Variants in MAN2A2 observed in about 807,000 individuals in gnomAD.
MAN2A2 encodes mannosidase alpha class 2A member 2, also known as alpha-mannosidase 2x.
MAN2A2 carries 79 observed loss-of-function variants against 126.8 expected under a neutral mutation model. The observed-to-expected ratio is 0.62, with a 90% CI of 0.52 to 0.75. MAN2A2 has a LOEUF of 0.75. Ranked by LOEUF, MAN2A2 falls within the 30% of genes least tolerant of loss-of-function variation. MAN2A2 has a pLI of 0.00. For missense variants in MAN2A2, 1,392 were observed against 1,522.4 expected (o/e 0.91, Z 1.43); for synonymous variants, 671 against 618.7 (o/e 1.08, Z -1.25).
chr15:90,912,645 T>A lies in MAN2A2; in HGVS notation c.2450T>A (p.Leu817Gln), dbSNP rs1357903385. Reference sequence around the variant, plus strand: ...GACAAGAGTGGAGCCTACCTCTTCCTGCCCGATGGCGAGGCCAAGGTATCC... The same window carrying A: ...GACAAGAGTGGAGCCTACCTCTTCCAGCCCGATGGCGAGGCCAAGGTATCC... ...SKDKSGAYLF[L>Q]PDGEAKPYVP... The change falls in exon 16 of 23, where the codon CTG becomes CAG. Residue 817 changes from leucine (L) to glutamine (Q), a missense_variant. By Grantham distance (113) the Leu-to-Gln change is moderately radical. Coordinates refer to ENST00000559717, the MANE Select transcript of MAN2A2 (RefSeq NM_006122.4). 6.2e-7 allele frequency: 1 copy of A among 1,614,184 alleles called. No individual in the cohort carries two copies.
chr15:90,918,861 G>A lies in MAN2A2; in HGVS notation c.3300+106G>A, dbSNP rs918238873. On this transcript the variant is annotated intron_variant, in intron 22 of 22. Transcript: ENST00000559717. ...TGGGAGAAGAAAGTGTCACTCCAGGGCTTTCTGGAGAGAAGGGGGGAAGCT... is the reference window on the plus strand; with the variant it reads ...TGGGAGAAGAAAGTGTCACTCCAGGACTTTCTGGAGAGAAGGGGGGAAGCT... 8.6e-6 allele frequency: 7 copies of A among 813,680 alleles called. No homozygotes were observed. In the African/African-American group the frequency reaches 1.2e-4, roughly 14 times the overall value. 50.4% of individuals were successfully genotyped at this position (813,680 alleles called of 1,614,324 possible).
chr15:90,911,523 C>T lies in MAN2A2; in HGVS notation c.2082C>T (p.Ala694=). ...AGATCAGCGCACACTGGAGCTCTGC[C>T]ACCGAGGCGGTCCCTGACGTCTACC... ...AVQISAHWSS[A]TEAVPDVYQV... is the part of the protein sequence containing the mutation. The change falls in exon 14 of 23, where the codon GCC becomes GCT. Residue 694 remains alanine (A), a synonymous_variant. Transcript: ENST00000559717. 1 of 1,613,454 alleles carries T rather than the reference C, an allele frequency of 6.2e-7. No individual in the cohort carries two copies. The highest frequency in any genetic ancestry group is 8.5e-7 in the Non-Finnish European group (1 of 1,179,788).
At chr15:90,909,938 G>A in intron 9 of MAN2A2, 152 bp from the exon 10 acceptor site, 1 of 669,446 alleles carries the variant, frequency 1.5e-6, no homozygotes, top group Non-Finnish European at 2.5e-6. Flanking sequence ...TAATTCCCAG[G>A]CTCCCCTACT....
In MAN2A2 at chr15:90,913,655, C is replaced by T; in HGVS notation, c.2760C>T (p.Ala920=). 6.2e-7 allele frequency: 1 copy of T among 1,612,544 alleles called. No homozygotes were observed. Among genetic ancestry groups the T allele is most frequent in the Non-Finnish European group, 8.5e-7 (1 of 1,179,478 alleles). Reference sequence around the variant, plus strand: ...ATCTGAAGAAGCTCCCCCTCCAGGCCAACTTCTACCCCATGCCAGTCATGG... The same window carrying T: ...ATCTGAAGAAGCTCCCCCTCCAGGCTAACTTCTACCCCATGCCAGTCATGG... ...RRYLKKLPLQ[A]NFYPMPVMAY... The change falls in exon 19 of 23, where the codon GCC becomes GCT. Residue 920 remains alanine, a synonymous_variant. Transcript: ENST00000559717.
At position 90,921,556 on chromosome 15, in the gene MAN2A2, G is replaced by C. The variant is rs1292430738; in HGVS notation, c.*1769G>C. 3.3e-5 allele frequency: 5 copies of C among 152,222 alleles called. No homozygotes were observed. The East Asian group carries it at 9.6e-4, about 29-fold the overall frequency. 9.4% of individuals were successfully genotyped at this position (152,222 alleles called of 1,614,324 possible). On this transcript the variant is annotated 3_prime_UTR_variant, in exon 23 of 23. Coordinates refer to ENST00000559717, the MANE Select transcript of MAN2A2 (RefSeq NM_006122.4). Reference sequence around the variant, plus strand: ...GCTACAGGAATTTAGTATATGGTAAGAGGGATGTTTTAAGTGGGGAAAAAG... The same window carrying C: ...GCTACAGGAATTTAGTATATGGTAACAGGGATGTTTTAAGTGGGGAAAAAG...
At position 90,906,516 on chromosome 15, in the gene MAN2A2, A is replaced by C; in HGVS notation, c.835+19A>C. The C allele has an allele frequency of 6.2e-7, 1 of 1,614,088 alleles. No individual in the cohort carries two copies. The highest frequency in any genetic ancestry group is 2.2e-5 in the East Asian group (1 of 44,888). ...AATCTTGGTAAGTCCAGGCCCAGGC[A>C]TGGGGGTCTGCCCCCTGGGCTGTAA... On this transcript the variant is annotated intron_variant, in intron 6 of 22. Coordinates refer to ENST00000559717, the MANE Select transcript of MAN2A2 (RefSeq NM_006122.4).
Position 90,910,545 on chromosome 15 carries a change from G to T in MAN2A2, c.1622G>T (p.Arg541Leu). ...AGCCTGGCTGCAGCTCACGCTCGCCGCTCTGGTCTGGCTGGCCGGTACCCA... is the reference window on the plus strand; with the variant it reads ...AGCCTGGCTGCAGCTCACGCTCGCCTCTCTGGTCTGGCTGGCCGGTACCCA... ...LYSLAAAHAR[R>L]SGLAGRYPLS... is the part of the protein sequence containing the mutation. Residue 541 changes from arginine (R) to leucine (L), a missense_variant, in exon 11 of 23, where the codon CGC (arginine) becomes CTC (leucine). Arg to Leu is a moderately radical substitution (Grantham distance 102). Coordinates refer to ENST00000559717, the MANE Select transcript of MAN2A2 (RefSeq NM_006122.4). 1.2e-6 allele frequency: 2 copies of T among 1,614,088 alleles called. No individual in the cohort carries two copies. Among genetic ancestry groups the T allele is most frequent in the Non-Finnish European group, 1.7e-6 (2 of 1,180,018 alleles).
chr15:90,918,746 C>A lies in MAN2A2; in HGVS notation c.3291C>A (p.Ser1097Arg), dbSNP rs1384064706. ...ACTTGGGCTTCAACTGCACCACAAG[C>A]CAAGGCAAGGTGAGTAGGGTGGGGA... ...AKNLGFNCTT[S>R]QGKVALGSLF... The change falls in exon 22 of 23, where the codon AGC becomes AGA. Residue 1097 changes from serine to arginine, a missense_variant. Coordinates refer to ENST00000559717, the MANE Select transcript of MAN2A2 (RefSeq NM_006122.4). The A allele has an allele frequency of 6.6e-7, 1 of 1,521,034 alleles. No homozygotes were observed. 94.2% of individuals were successfully genotyped at this position (1,521,034 alleles called of 1,614,324 possible). A position where few individuals can be genotyped will look rare whatever the true frequency, so the allele number is the denominator to read the frequency against.
At position 90,915,924 on chromosome 15, in the gene MAN2A2, T is replaced by C. The variant is rs561533170; in HGVS notation, c.2861-199T>C. On this transcript the variant is annotated intron_variant, in intron 19 of 22. Transcript: ENST00000559717. ...TTTCTGGACCTCATGCTTCCTCATC[T>C]GCAAAATAACGGCCCAGGACGAGCC... 1.2e-4 allele frequency: 66 copies of C among 550,350 alleles called. No individual in the cohort carries two copies. In the African/African-American group the frequency reaches 1.2e-3, roughly 10 times the overall value. 34.1% of individuals were successfully genotyped at this position (550,350 alleles called of 1,614,324 possible). A position where few individuals can be genotyped will look rare whatever the true frequency, so the allele number is the denominator to read the frequency against.
At chr15:90,904,694 A>G (rs749712123) in intron 2 of MAN2A2, among the ~76,000 whole-genome samples, 4 of 151,782 alleles carry the variant, frequency 2.6e-5, no homozygotes, top group African/African-American at 9.7e-5. Context: ...GGTTCAAGCA[A>G]TTCTCCTGCC....
chr15:90,918,011 C>T (rs560202427), intron 20 of MAN2A2, among the ~76,000 whole-genome samples, 183 bp from the exon 21 acceptor site: 5 of 152,242 alleles, frequency 3.3e-5, no homozygotes, highest in South Asian at 4.1e-4. Context: ...TTAGGGGAGA[C>T]GGCAAATGTC....
In MAN2A2 at chr15:90,913,204, C is replaced by T. The variant is rs562224806; in HGVS notation, c.2585-69C>T. The stretch of plus-strand genomic sequence containing the variant: ...CTCTCCCCAGCTCGGCTCTGATCCC[C>T]CAGCCCAGCCTCTTAGCTGTGCTTC... On this transcript the variant is annotated intron_variant, in intron 17 of 22. Coordinates refer to ENST00000559717, the MANE Select transcript of MAN2A2 (RefSeq NM_006122.4). 7.0e-6 allele frequency: 11 copies of T among 1,570,994 alleles called. No individual in the cohort carries two copies. In the African/African-American group the frequency reaches 8.1e-5, roughly 12 times the overall value.
At chr15:90,908,518 A>G (rs1012814866) in intron 8 of MAN2A2, among the ~76,000 whole-genome samples, 2 of 152,140 alleles carry the variant, frequency 1.3e-5, no homozygotes, top group African/African-American at 4.8e-5. Context: ...CCCATTATGT[A>G]CCAGGCACTA....
chr15:90,906,980 A>G, intron 7 of MAN2A2, 67 bp downstream of exon 7: 1 of 1,564,830 alleles, frequency 6.4e-7, no homozygotes, highest in Non-Finnish European at 8.7e-7. Flanking sequence ...CAGGGATATC[A>G]GAACTAAGAC....
chr15:90,919,459 G>T (rs565078281), intron 22 of MAN2A2, among the ~76,000 whole-genome samples, 176 bp from the exon 23 acceptor site: 1 of 152,168 alleles, frequency 6.6e-6, no homozygotes, highest in East Asian at 1.9e-4. Flanking sequence ...GGCTGGTCTC[G>T]AACTCCTGAC....
intron 10 of MAN2A2, 33 bp downstream of exon 10, chr15:90,910,325 G>T (rs1474018897): frequency 1.2e-6 from 2 of 1,610,782 alleles, no homozygotes; most frequent in Non-Finnish European, 1.7e-6. Flanking sequence ...AGGCTGGAGG[G>T]GGAGAGTCAG....
rs766381041 is a variant in MAN2A2 at position 90,910,075 on chromosome 15, T to C, written c.1375-15T>C. On this transcript the variant is annotated splice_polypyrimidine_tract_variant and intron_variant, in intron 9 of 22. Transcript: ENST00000559717. ...CTCTAGAACTGATGGGAGTGGGTTT[T>C]TGGGGTTCCCACAGGCCCAGTTTGG... The C allele has an allele frequency of 2.5e-6, 4 of 1,603,408 alleles. No individual in the cohort carries two copies. The highest frequency in any genetic ancestry group is 1.1e-5 in the South Asian group (1 of 90,156).
At position 90,919,697 on chromosome 15, in the gene MAN2A2, G is replaced by GTTACTGTACCCTCTGGCC; in HGVS notation, c.3365_3382dup (p.Leu1122_Ala1127dup). The GTTACTGTACCCTCTGGCC allele has an allele frequency of 6.2e-7, 1 of 1,614,156 alleles. No individual in the cohort carries two copies. The highest frequency in any genetic ancestry group is 8.5e-7 in the Non-Finnish European group (1 of 1,180,038). On this transcript the variant is annotated inframe_insertion, in exon 23 of 23. Coordinates refer to ENST00000559717, the MANE Select transcript of MAN2A2 (RefSeq NM_006122.4). ...TATTCCTTCAGCCAACCTCCTTGAC[G>GTTACTGTACCCTCTGGCC]TTACTGTACCCTCTGGCCTCCCCGT...
chr15:90,913,119 C>T (rs1480361128), intron 17 of MAN2A2, 128 bp downstream of exon 17: 4 of 1,188,966 alleles, frequency 3.4e-6, no homozygotes, highest in Middle Eastern at 2.0e-4. Flanking sequence ...ATGCTCCATT[C>T]TCTTGGAGAA....
Sources: allele counts gnomAD v4.1 joint callset (sites outside exome capture counted in the v4.1 genomes callset), GRCh38; gene constraint gnomAD v4.1.1; transcripts MANE v1.5; gene names NCBI Gene and HGNC (gene_info 2026-07-23, HGNC 2026-07-21).